The following GLS variants were observed in gnomAD, a reference collection of about 807,000 sequenced individuals.
GLS encodes glutaminase kidney isoform, mitochondrial.
In GLS, 36 loss-of-function variants were observed where a neutral mutation model predicts 86.7. The ratio of observed to expected loss-of-function variants is 0.42; its 90% CI spans 0.32 to 0.55. The LOEUF is 0.55. Ranked by LOEUF, GLS falls within the 20% of genes least tolerant of loss-of-function variation. The probability of loss-of-function intolerance (pLI) is 0.17; values close to 1 mark genes in which losing one functional copy is unlikely to be tolerated. For missense variants in GLS, 528 were observed against 833.4 expected, an observed-to-expected ratio of 0.63 and a Z score of 4.51; for synonymous variants, 317 against 305.9, an observed-to-expected ratio of 1.04 and a Z score of -0.38.
chr2:190,890,993 A>G (rs1233948437), intron 1 of GLS, among the ~76,000 whole-genome samples: 1 of 151,704 alleles, frequency 6.6e-6, no homozygotes. Flanking sequence ...GTTGGTTTCA[A>G]TTATTTTCCT....
intron 4 of GLS, among the ~76,000 whole-genome samples, chr2:190,901,516 C>A (rs958074790): frequency 6.6e-6 from 1 of 151,664 alleles, no homozygotes; most frequent in Non-Finnish European, 1.5e-5. Flanking sequence ...GTTCAAGATT[C>A]AAGTGTATAA....
chr2:190,899,406 T>C (rs1688863754), intron 3 of GLS, among the ~76,000 whole-genome samples: 1 of 152,114 alleles, frequency 6.6e-6, no homozygotes, highest in Admixed American at 6.5e-5. Flanking sequence ...GTTAATTTTA[T>C]ATTGAACAAA....
chr2:190,926,360 C>G (rs1689894970), intron 11 of GLS, among the ~76,000 whole-genome samples: 1 of 152,048 alleles, frequency 6.6e-6, no homozygotes, highest in South Asian at 2.1e-4. Flanking sequence ...TATAAATAGG[C>G]AATGTAGTCA....
At chr2:190,891,493 C>G (rs1688559940) in intron 1 of GLS, among the ~76,000 whole-genome samples, 1 of 151,732 alleles carries the variant, frequency 6.6e-6, no homozygotes, top group African/African-American at 2.4e-5. Flanking sequence ...TGAGATAGCA[C>G]TTATTTACAG....
In GLS at chr2:190,880,954, ACACC is replaced by A. The variant is rs1688130577; in HGVS notation, c.-128_-125del. ...CGCTGCGGGAGTCCGAGCCGGAACC[ACACC>A]CAAGTAGCTGCCCTTTCCTCTTCTG... is the stretch of plus-strand genomic sequence containing the variant. On this transcript the variant is annotated 5_prime_UTR_variant, in exon 1 of 18. Transcript: ENST00000320717. 4 of 1,117,536 alleles carry A rather than the reference ACACC, an allele frequency of 3.6e-6. No individual in the cohort carries two copies. In the South Asian group the frequency reaches 5.4e-5, roughly 15 times the overall value. 69.2% of individuals were successfully genotyped at this position (1,117,536 alleles called of 1,614,324 possible).
At chr2:190,946,182 A>G (rs369954766) in intron 14 of GLS, among the ~76,000 whole-genome samples, 76 of 152,312 alleles carry the variant, frequency 5.0e-4, no homozygotes, top group African/African-American at 1.7e-3. Context: ...GTTTACTTTT[A>G]CCCTTGGGCA....
chr2:190,937,170 C>T (rs1016489163), intron 14 of GLS, among the ~76,000 whole-genome samples: 1 of 151,316 alleles, frequency 6.6e-6, no homozygotes, highest in African/African-American at 2.4e-5. Context: ...CATAAACATA[C>T]ACTCAAGTAT....
intron 14 of GLS, among the ~76,000 whole-genome samples, chr2:190,940,000 G>T (rs916948144): frequency 3.3e-5 from 5 of 151,668 alleles, no homozygotes; most frequent in Admixed American, 1.3e-4. Context: ...CAGGAAATGG[G>T]TTTTCAGTTC....
intron 11 of GLS, among the ~76,000 whole-genome samples, chr2:190,925,180 C>T (rs765154039): frequency 6.6e-6 from 1 of 152,056 alleles, no homozygotes; most frequent in Non-Finnish European, 1.5e-5. Context: ...CTAAATTTTT[C>T]GTAGCTTTTA....
In GLS at chr2:190,951,100, T is replaced by C. The variant is rs1427365662; in HGVS notation, c.1651-2465T>C. ...GAATAGATGAATTCTTTGAGGGACA[T>C]TATATTGAAAAACAAGAAGATTGGA... is the stretch of plus-strand genomic sequence containing the variant. On this transcript the variant is annotated intron_variant, in intron 14 of 17. Coordinates refer to ENST00000320717, the MANE Select transcript of GLS (RefSeq NM_014905.5). This position sits in a 1 kb window ranked among gnomAD's most constrained non-coding sequence, Gnocchi z 4.2. 6.6e-6 allele frequency among the ~76,000 whole-genome samples: 1 copy of C among 152,106 alleles called. No individual in the cohort carries two copies. Among genetic ancestry groups the C allele is most frequent in the Non-Finnish European group, 1.5e-5 (1 of 68,028 alleles).
In GLS at chr2:190,921,152, A is replaced by G; in HGVS notation, c.1079A>G (p.Gln360Arg). The G allele has an allele frequency of 6.2e-7, 1 of 1,607,658 alleles. No homozygotes were observed. The highest frequency in any genetic ancestry group is 1.1e-5 in the South Asian group (1 of 90,908). Residue 360 changes from glutamine (Q) to arginine (R), a missense_variant, in exon 9 of 18, where the codon CAG (glutamine) becomes CGG (arginine). Gln to Arg is a conservative substitution (Grantham distance 43). Around this residue, in one of 4 missense-constraint regions of GLS, gnomAD observed 163 missense variants for 429.2 expected, o/e 0.38. Coordinates refer to ENST00000320717, the MANE Select transcript of GLS (RefSeq NM_014905.5). The surrounding 1 kb of genome is among the most constrained non-coding windows in gnomAD (Gnocchi z 4.2). Reference sequence around the variant, plus strand: ...CCTACTTTTGGTTTCTAGGTCATGCAGTTTTTGAATAAGATGGCTGGTAAT... The same window carrying G: ...CCTACTTTTGGTTTCTAGGTCATGCGGTTTTTGAATAAGATGGCTGGTAAT... ...NNAEKFDYVM[Q>R]FLNKMAGNEY...
At chr2:190,945,197 C>T (rs2124937338) in intron 14 of GLS, among the ~76,000 whole-genome samples, 1 of 152,270 alleles carries the variant, frequency 6.6e-6, no homozygotes, top group Admixed American at 6.5e-5. Context: ...ACAGAAATAA[C>T]ATTTGGAGCA....
In GLS at chr2:190,951,101, T is replaced by C. The variant is rs1195943889; in HGVS notation, c.1651-2464T>C. On this transcript the variant is annotated intron_variant, in intron 14 of 17. Coordinates refer to ENST00000320717, the MANE Select transcript of GLS (RefSeq NM_014905.5). This position sits in a 1 kb window ranked among gnomAD's most constrained non-coding sequence, Gnocchi z 4.2. ...AATAGATGAATTCTTTGAGGGACAT[T>C]ATATTGAAAAACAAGAAGATTGGAC... 6.6e-6 allele frequency among the ~76,000 whole-genome samples: 1 copy of C among 152,112 alleles called. No homozygotes were observed. The highest frequency in any genetic ancestry group is 1.5e-5 in the Non-Finnish European group (1 of 68,028).
In GLS at chr2:190,921,291, A is replaced by G. The variant is rs906272705; in HGVS notation, c.1130+88A>G. On this transcript the variant is annotated intron_variant, in intron 9 of 17. Transcript: ENST00000320717. The surrounding 1 kb of genome is among the most constrained non-coding windows in gnomAD (Gnocchi z 4.2). Reference sequence around the variant, plus strand: ...CTCTCTTTTCATTGGAGGGAAATGAATGATTTCTAAATTACCTGACAGAAA... The same window carrying G: ...CTCTCTTTTCATTGGAGGGAAATGAGTGATTTCTAAATTACCTGACAGAAA... 9.9e-6 allele frequency: 9 copies of G among 912,396 alleles called. No individual in the cohort carries two copies. Among genetic ancestry groups the G allele is most frequent in the Non-Finnish European group, 1.6e-5 (9 of 555,020 alleles). 56.5% of individuals were successfully genotyped at this position (912,396 alleles called of 1,614,324 possible).
intron 1 of GLS, among the ~76,000 whole-genome samples, chr2:190,883,250 A>G (rs754426126): frequency 6.6e-6 from 1 of 152,154 alleles, no homozygotes; most frequent in Non-Finnish European, 1.5e-5. Flanking sequence ...TAAAGTTTCT[A>G]TTTCCTTAAT....
Position 190,913,365 on chromosome 2 carries a change from G to A in GLS, c.1038+3044G>A. 9.7e-7 allele frequency: 1 copy of A among 1,029,566 alleles called. No homozygotes were observed. Among genetic ancestry groups the A allele is most frequent in the Non-Finnish European group, 1.2e-6 (1 of 813,276 alleles). 63.8% of individuals were successfully genotyped at this position (1,029,566 alleles called of 1,614,324 possible). A position where few individuals can be genotyped will look rare whatever the true frequency, so the allele number is the denominator to read the frequency against. On this transcript the variant is annotated intron_variant, in intron 7 of 17. Transcript: ENST00000320717. The surrounding 1 kb of genome is among the most constrained non-coding windows in gnomAD (Gnocchi z 6.1). ...TAAAATTTTAAACAAAGCTATATAGGTAAATACCTTTTTAAAAACAAATGT... is the reference window on the plus strand; with the variant it reads ...TAAAATTTTAAACAAAGCTATATAGATAAATACCTTTTTAAAAACAAATGT...
At chr2:190,933,644 G>A in intron 14 of GLS, 1 of 952,946 alleles carries the variant, frequency 1.0e-6, no homozygotes, top group Non-Finnish European at 1.2e-6. Flanking sequence ...GAAACAGTGA[G>A]TGTCTTCAAG....
chr2:190,881,072 C>A lies in GLS; in HGVS notation c.-13C>A, dbSNP rs765543313. 7.2e-5 allele frequency: 112 copies of A among 1,548,460 alleles called. No individual in the cohort carries two copies. The highest frequency in any genetic ancestry group is 8.9e-5 in the Non-Finnish European group (103 of 1,153,984). On this transcript the variant is annotated 5_prime_UTR_variant, in exon 1 of 18. Transcript: ENST00000320717. ...TCCTCCCCTGTTGAGCGGGCGCTGA[C>A]GGACCCGGCGGCATGATGCGGCTGC... is the stretch of plus-strand genomic sequence containing the variant.
In GLS at chr2:190,902,012, A is replaced by C; in HGVS notation, c.801A>C (p.Thr267=). 9 of 1,606,894 alleles carry C rather than the reference A, an allele frequency of 5.6e-6. No homozygotes were observed. The highest frequency in any genetic ancestry group is 7.7e-6 in the Non-Finnish European group (9 of 1,173,568). Residue 267 remains threonine, a synonymous_variant, in exon 5 of 18, where the codon ACA becomes ACC. Coordinates refer to ENST00000320717, the MANE Select transcript of GLS (RefSeq NM_014905.5). Reference sequence around the variant, plus strand: ...ATTTGTGGGGTGTGTCTGTTTGTACAGTAGATGGACAGAGGTAAGTTTATT... The same window carrying C: ...ATTTGTGGGGTGTGTCTGTTTGTACCGTAGATGGACAGAGGTAAGTTTATT... ...SPDLWGVSVC[T]VDGQRHSTGD... is the part of the protein sequence containing the mutation.
Sources: gnomAD v4.1 joint callset for allele counts (sites outside exome capture counted in the v4.1 genomes callset) on GRCh38, gnomAD v4.1.1 for gene constraint, gnomAD v4.1.1 regional missense constraint, Gnocchi (gnomAD v3.1) non-coding constraint, MANE v1.5 for transcripts, NCBI Gene and HGNC (gene_info 2026-07-23, HGNC 2026-07-21) for gene names.